KAZN: variants seen among roughly 807,000 people sequenced by gnomAD.
The protein encoded by KAZN is kazrin, periplakin interacting protein.
KAZN carries 40 observed loss-of-function variants against 87.4 expected under a neutral mutation model. That is an observed-to-expected ratio of 0.46 (90% CI 0.36 to 0.60). The LOEUF is 0.60. Among genes scored for constraint, KAZN ranks in the 20% least tolerant of loss-of-function variants. The probability of loss-of-function intolerance (pLI) is 0.00; values close to 1 mark genes in which losing one functional copy is unlikely to be tolerated. For synonymous variants in KAZN, 466 were observed against 458.3 expected, an observed-to-expected ratio of 1.02 and a Z score of -0.22; for missense variants, 898 against 1,073.9, an observed-to-expected ratio of 0.84 and a Z score of 2.29.
At chr1:14,822,516 G>A (rs564127378) in intron 1 of KAZN, among the ~76,000 whole-genome samples, 79 of 152,276 alleles carry the variant, frequency 5.2e-4, no homozygotes, top group African/African-American at 1.9e-3. Context: ...TCTGGGGAGG[G>A]AATTGGAGGC....
At chr1:14,972,954 A>G (rs1438975446) in intron 2 of KAZN, among the ~76,000 whole-genome samples, 2 of 152,002 alleles carry the variant, frequency 1.3e-5, no homozygotes, top group Non-Finnish European at 1.5e-5. Flanking sequence ...AGCAAAACGT[A>G]TCGAGCACCT....
At chr1:14,684,936 G>T (rs560948484) in intron 1 of KAZN, among the ~76,000 whole-genome samples, 1 of 152,210 alleles carries the variant, frequency 6.6e-6, no homozygotes, top group African/African-American at 2.4e-5. Context: ...ACATCTTTGG[G>T]GGCCATTATA....
intron 1 of KAZN, among the ~76,000 whole-genome samples, chr1:14,602,697 G>A (rs1282515963): frequency 6.6e-6 from 1 of 152,210 alleles, no homozygotes; most frequent in African/African-American, 2.4e-5. Context: ...ATTAGATTCA[G>A]TTGGTTGCTT....
intron 2 of KAZN, among the ~76,000 whole-genome samples, chr1:15,032,365 T>G (rs1229482359): frequency 1.3e-5 from 2 of 151,752 alleles, no homozygotes; most frequent in Non-Finnish European, 1.5e-5. Context: ...GCTAACTTTT[T>G]GTATTTTTAG....
chr1:14,057,166 A>C (rs1405140336), intron 1 of KAZN, among the ~76,000 whole-genome samples: 1 of 144,596 alleles, frequency 6.9e-6, no homozygotes, highest in African/African-American at 2.6e-5. Context: ...ACGGAGTCTC[A>C]CTCTGTTTTC....
chr1:14,551,238 C>T (rs1234802622), intron 2 of KAZN, among the ~76,000 whole-genome samples: 2 of 152,146 alleles, frequency 1.3e-5, no homozygotes, highest in African/African-American at 4.8e-5. Flanking sequence ...ATAGATTTCA[C>T]CTGCGCTGCT....
At chr1:14,317,593 T>C (rs1010291244) in intron 2 of KAZN, among the ~76,000 whole-genome samples, 1 of 151,850 alleles carries the variant, frequency 6.6e-6, no homozygotes, top group Non-Finnish European at 1.5e-5. Context: ...GCTCCATCTG[T>C]TTTTTTCCCT....
intron 2 of KAZN, among the ~76,000 whole-genome samples, chr1:14,399,029 G>T (rs984043706): frequency 2.0e-5 from 3 of 152,076 alleles, no homozygotes; most frequent in Non-Finnish European, 4.4e-5. Flanking sequence ...TGGAGGGGGG[G>T]ATTTTGTTTG....
At chr1:14,507,558 ATTCT>A (rs1670651954) in intron 2 of KAZN, among the ~76,000 whole-genome samples, 1 of 152,346 alleles carries the variant, frequency 6.6e-6, no homozygotes. Context: ...GTAACGCAGA[ATTCT>A]TTCTGAGAGT....
intron 1 of KAZN, among the ~76,000 whole-genome samples, chr1:14,893,229 G>T (rs1481103285): frequency 2.6e-5 from 4 of 152,172 alleles, no homozygotes; most frequent in Non-Finnish European, 1.5e-5. Flanking sequence ...AGCTGGGCGT[G>T]GTGGCTCGTG....
rs568085183 is a variant in KAZN at position 14,457,918 on chromosome 1, C to T, written c.250-141065C>T. On this transcript the variant is annotated intron_variant, in intron 2 of 16. Transcript: ENST00000636203. Reference sequence around the variant, plus strand: ...CTGCAAGCTCTGCCTCCCGTGTTCACGCCATTCTCCCGCCTCAGCCTCCCA... The same window carrying T: ...CTGCAAGCTCTGCCTCCCGTGTTCATGCCATTCTCCCGCCTCAGCCTCCCA... Among the ~76,000 whole-genome samples the T allele has an allele frequency of 1.3e-4, 19 of 151,390 alleles. No homozygotes were observed. In the South Asian group the frequency reaches 2.1e-3, roughly 17 times the overall value.
At chr1:14,887,203 T>C (rs1479219868) in intron 1 of KAZN, among the ~76,000 whole-genome samples, 1 of 152,244 alleles carries the variant, frequency 6.6e-6, no homozygotes, top group Non-Finnish European at 1.5e-5. Context: ...TTTATTATTT[T>C]ACCCCCTGTG....
At chr1:14,684,763 T>A (rs1053303203) in intron 1 of KAZN, among the ~76,000 whole-genome samples, 11 of 152,202 alleles carry the variant, frequency 7.2e-5, no homozygotes, top group African/African-American at 2.4e-4. Flanking sequence ...CCAGTCTGAC[T>A]TCTCCTGCAC....
intron 1 of KAZN, among the ~76,000 whole-genome samples, chr1:14,957,879 G>T (rs781676063): frequency 6.6e-6 from 1 of 152,208 alleles, no homozygotes; most frequent in Non-Finnish European, 1.5e-5. Flanking sequence ...AGGCGCCCTC[G>T]GGCTTCTGTG....
At chr1:14,531,222 T>C (rs1328292650) in intron 2 of KAZN, among the ~76,000 whole-genome samples, 2 of 152,236 alleles carry the variant, frequency 1.3e-5, no homozygotes, top group Non-Finnish European at 2.9e-5. Context: ...TTGTCACTTA[T>C]GGAAACTTCT....
At chr1:14,418,210 G>A (rs776633241) in intron 2 of KAZN, among the ~76,000 whole-genome samples, 5 of 151,762 alleles carry the variant, frequency 3.3e-5, no homozygotes, top group Non-Finnish European at 7.4e-5. Context: ...GAGATATTAG[G>A]AGCTCAAATT....
intron 1 of KAZN, among the ~76,000 whole-genome samples, chr1:14,947,668 T>C (rs1661990463): frequency 8.0e-6 from 1 of 125,628 alleles, no homozygotes; most frequent in Admixed American, 8.0e-5. Flanking sequence ...GGACCAGCTC[T>C]GTGACCTTGA....
chr1:14,544,350 C>CTTTCTTTT (rs1553186409), intron 2 of KAZN, among the ~76,000 whole-genome samples: 7 of 98,112 alleles, frequency 7.1e-5, no homozygotes, highest in Non-Finnish European at 1.3e-4. Flanking sequence ...TTCTTTCTTT[C>CTTTCTTTT]TTTTTTTTTT....
intron 2 of KAZN, among the ~76,000 whole-genome samples, chr1:14,207,899 C>A (rs1038139525): frequency 3.9e-5 from 6 of 152,236 alleles, no homozygotes; most frequent in African/African-American, 1.4e-4. Flanking sequence ...AGGGCCCATG[C>A]TGGCTGATGG....
Sources: allele counts gnomAD v4.1 joint callset (sites outside exome capture counted in the v4.1 genomes callset), GRCh38; gene constraint gnomAD v4.1.1; transcripts MANE v1.5; gene names NCBI Gene and HGNC (gene_info 2026-07-23, HGNC 2026-07-21).